Variants in SPTLC3 observed in about 807,000 individuals in gnomAD.
SPTLC3 encodes serine palmitoyltransferase long chain base subunit 3.
SPTLC3 carries 36 observed loss-of-function variants against 59.3 expected under a neutral mutation model. The observed-to-expected ratio is 0.61, with a 90% CI of 0.47 to 0.80. The LOEUF is 0.80. Ranked by LOEUF, SPTLC3 falls within the 30% of genes least tolerant of loss-of-function variation. SPTLC3 has a pLI of 0.00. For missense variants in SPTLC3, 625 were observed against 685.1 expected, an observed-to-expected ratio of 0.91 and a Z score of 0.98; for synonymous variants, 257 against 240.8, an observed-to-expected ratio of 1.07 and a Z score of -0.62.
chr20:13,064,973 T>A (rs1988137393), intron 2 of SPTLC3, among the ~76,000 whole-genome samples: 1 of 152,148 alleles, frequency 6.6e-6, no homozygotes, highest in Non-Finnish European at 1.5e-5. Context: ...CATTTTCTAG[T>A]TAGCTATTGA....
In SPTLC3 at chr20:13,049,144, C is replaced by A. The variant is rs543864315; in HGVS notation, c.303+14C>A. ...AAAGAACAAAAAGTACGTATGCGCA[C>A]CTCCCTGGATCTTTGTCAATGCCTA... On this transcript the variant is annotated intron_variant, in intron 2 of 11. Transcript: ENST00000399002. 1 of 1,611,182 alleles carries A rather than the reference C, an allele frequency of 6.2e-7. No individual in the cohort carries two copies. Among genetic ancestry groups the A allele is most frequent in the East Asian group, 2.2e-5 (1 of 44,738 alleles).
chr20:13,165,173 C>A lies in SPTLC3; in HGVS notation c.*306C>A. 4.1e-6 allele frequency: 1 copy of A among 241,848 alleles called. No individual in the cohort carries two copies. 15.0% of individuals were successfully genotyped at this position (241,848 alleles called of 1,614,324 possible). ...AGCCTGTGTTTTAGCTGCTACTGTG[C>A]AGACCCTTTCAGGGATTCCAACCAA... On this transcript the variant is annotated 3_prime_UTR_variant, in exon 12 of 12. Transcript: ENST00000399002.
intron 4 of SPTLC3, among the ~76,000 whole-genome samples, chr20:13,078,051 C>T (rs1200790789): frequency 6.7e-6 from 1 of 149,782 alleles, no homozygotes; most frequent in African/African-American, 2.4e-5. Context: ...AACAAACATG[C>T]ATTTAATAAA....
At chr20:13,041,082 A>G (rs761733939) in intron 1 of SPTLC3, among the ~76,000 whole-genome samples, 1 of 152,130 alleles carries the variant, frequency 6.6e-6, no homozygotes, top group Non-Finnish European at 1.5e-5. Flanking sequence ...CCTTTATTCA[A>G]ATGGATATCA....
chr20:13,146,420 C>CTAAAAT (rs1003836937), intron 9 of SPTLC3, among the ~76,000 whole-genome samples: 5 of 152,106 alleles, frequency 3.3e-5, no homozygotes, highest in African/African-American at 1.2e-4. Flanking sequence ...ACCCCGAAAC[C>CTAAAAT]TAAAATTAAA....
At chr20:13,073,640 G>C (rs1988529041) in intron 3 of SPTLC3, 3 of 297,754 alleles carry the variant, frequency 1.0e-5, no homozygotes, top group Non-Finnish European at 2.0e-5. Flanking sequence ...GTAGTTGGTA[G>C]AGCATCAGGG....
intron 1 of SPTLC3, among the ~76,000 whole-genome samples, chr20:13,022,746 T>C (rs1021518308): frequency 6.6e-6 from 1 of 152,138 alleles, no homozygotes; most frequent in African/African-American, 2.4e-5. Context: ...AAAACCACCA[T>C]GTCCTGTTTC....
At chr20:13,095,403 A>C (rs1989375672) in intron 6 of SPTLC3, among the ~76,000 whole-genome samples, 1 of 152,152 alleles carries the variant, frequency 6.6e-6, no homozygotes, top group Non-Finnish European at 1.5e-5. Flanking sequence ...TAGCTGCACA[A>C]TAGTGGCATC....
chr20:13,060,552 A>G (rs1987929345), intron 2 of SPTLC3, among the ~76,000 whole-genome samples: 1 of 152,104 alleles, frequency 6.6e-6, no homozygotes, highest in African/African-American at 2.4e-5. Flanking sequence ...CCATCACCTG[A>G]ATAATGTGCA....
intron 5 of SPTLC3, among the ~76,000 whole-genome samples, chr20:13,093,255 A>T (rs1989292923): frequency 6.6e-6 from 1 of 152,240 alleles, no homozygotes; most frequent in Non-Finnish European, 1.5e-5. Flanking sequence ...AACTATATGC[A>T]AATGTCGCAG....
At chr20:13,098,542 T>G (rs1460176989) in intron 6 of SPTLC3, among the ~76,000 whole-genome samples, 2 of 152,224 alleles carry the variant, frequency 1.3e-5, no homozygotes, top group Non-Finnish European at 2.9e-5. Context: ...ATTTAAGGGT[T>G]AAATTTTATC....
chr20:13,010,350 C>A lies in SPTLC3; in HGVS notation c.117+966C>A, dbSNP rs545523597. On this transcript the variant is annotated intron_variant, in intron 1 of 11. Coordinates refer to ENST00000399002, the MANE Select transcript of SPTLC3 (RefSeq NM_018327.4). ...CATCCAGAGAGCAAGTATCCACCCA[C>A]AGGAAAGGCAGATTGTTCTAAGATC... Among the ~76,000 whole-genome samples, 133 of 152,308 alleles carry A rather than the reference C, an allele frequency of 8.7e-4. 1 individual carries two copies. Among genetic ancestry groups the A allele is most frequent in the African/African-American group, 3.1e-3 (130 of 41,556 alleles).
At chr20:13,027,263 C>A (rs546879575) in intron 1 of SPTLC3, among the ~76,000 whole-genome samples, 1 of 152,320 alleles carries the variant, frequency 6.6e-6, no homozygotes, top group Non-Finnish European at 1.5e-5. Context: ...CTTTAACCTT[C>A]AGCATCAACT....
rs1030535998 is a variant in SPTLC3, at chr20:13,168,226, C to G, written c.*3359C>G. The G allele has an allele frequency of 6.7e-6, 1 of 150,248 alleles. No individual in the cohort carries two copies. The highest frequency in any genetic ancestry group is 1.5e-5 in the Non-Finnish European group (1 of 67,794). The allele number at this position is 150,248 out of a possible 1,614,324, so 9.3% of individuals were successfully genotyped here. On this transcript the variant is annotated 3_prime_UTR_variant, in exon 12 of 12. Coordinates refer to ENST00000399002, the MANE Select transcript of SPTLC3 (RefSeq NM_018327.4). ...ACAGAGTTTTGTTCTTCTTGTTGCCCAGGCTATAGTGCAATGGCAAGATCT... is the reference window on the plus strand; with the variant it reads ...ACAGAGTTTTGTTCTTCTTGTTGCCGAGGCTATAGTGCAATGGCAAGATCT...
chr20:13,164,806 G>A lies in SPTLC3; in HGVS notation c.1598G>A (p.Arg533Gln), dbSNP rs761737722. ...MGDLLQLKYS[R>Q]HKKSARPELY... ...GATCTCTTGCAACTGAAATATTCCC[G>A]GCACAAGAAGTCAGCACGTCCTGAG... The change falls in exon 12 of 12, where the codon CGG becomes CAG. Residue 533 changes from arginine to glutamine, a missense_variant. Coordinates refer to ENST00000399002, the MANE Select transcript of SPTLC3 (RefSeq NM_018327.4). 1.9e-5 allele frequency: 30 copies of A among 1,613,634 alleles called. No individual in the cohort carries two copies. The highest frequency in any genetic ancestry group is 7.7e-5 in the South Asian group (7 of 91,050).
intron 8 of SPTLC3, among the ~76,000 whole-genome samples, chr20:13,119,274 A>C (rs1357887586): frequency 1.3e-5 from 2 of 152,210 alleles, no homozygotes. Context: ...CCAATTCTTG[A>C]AATGTTGTCA....
At chr20:13,034,222 T>TGAGA (rs1434678529) in intron 1 of SPTLC3, among the ~76,000 whole-genome samples, 24 of 152,188 alleles carry the variant, frequency 1.6e-4, no homozygotes, top group Admixed American at 1.4e-3. Flanking sequence ...TTGATATATG[T>TGAGA]ACTGAGTTTC....
intron 10 of SPTLC3, among the ~76,000 whole-genome samples, chr20:13,155,648 A>G (rs1250710723): frequency 6.6e-6 from 1 of 152,048 alleles, no homozygotes; most frequent in East Asian, 1.9e-4. Context: ...AACATGGTGA[A>G]ACCCCGTGTC....
At chr20:13,107,761 G>A (rs566797219) in intron 6 of SPTLC3, among the ~76,000 whole-genome samples, 27 of 144,850 alleles carry the variant, frequency 1.9e-4, no homozygotes, top group African/African-American at 7.3e-4. Flanking sequence ...TTAAAGAAAG[G>A]AAAGGAAAAT....
Sources: allele counts gnomAD v4.1 joint callset (sites outside exome capture counted in the v4.1 genomes callset), GRCh38; gene constraint gnomAD v4.1.1; transcripts MANE v1.5; gene names NCBI Gene and HGNC (gene_info 2026-07-23, HGNC 2026-07-21).